The following ABHD17C variants were observed in gnomAD, a reference collection of about 807,000 sequenced individuals.
ABHD17C encodes alpha/beta hydrolase domain-containing protein 17C.
Under a neutral mutation model 27.9 loss-of-function variants are expected in ABHD17C, and 11 were observed. The observed-to-expected ratio is 0.39, with a 90% confidence interval of 0.25 to 0.65. The LOEUF (loss-of-function observed/expected upper bound fraction) is 0.65. Among genes scored for constraint, ABHD17C ranks in the 30% least tolerant of loss-of-function variants. ABHD17C has a pLI of 0.45. For missense variants in ABHD17C, 280 were observed against 470.2 expected, an observed-to-expected ratio of 0.60 and a Z score of 3.74; for synonymous variants, 233 against 209.1, an observed-to-expected ratio of 1.11 and a Z score of -0.98.
intron 1 of ABHD17C, among the ~76,000 whole-genome samples, chr15:80,748,882 G>C (rs1319557767): frequency 1.3e-5 from 2 of 151,778 alleles, no homozygotes; most frequent in Non-Finnish European, 2.9e-5. Context: ...GGCTGCAAGG[G>C]AGGCTGGGAA....
intron 1 of ABHD17C, among the ~76,000 whole-genome samples, chr15:80,743,522 A>G (rs965386303): frequency 6.6e-6 from 1 of 152,182 alleles, no homozygotes; most frequent in Admixed American, 6.5e-5. Flanking sequence ...ATACTCCCCA[A>G]AATAGCAAAT....
chr15:80,720,938 A>ATC (rs1219602254), intron 1 of ABHD17C, among the ~76,000 whole-genome samples: 6 of 149,936 alleles, frequency 4.0e-5, no homozygotes, highest in Non-Finnish European at 7.5e-5. Flanking sequence ...AAAAAAAAAT[A>ATC]TTAATTTATG....
intron 1 of ABHD17C, among the ~76,000 whole-genome samples, chr15:80,741,344 C>T (rs566846997): frequency 6.6e-6 from 1 of 152,092 alleles, no homozygotes; most frequent in South Asian, 2.1e-4. Context: ...TGCAGCAAAA[C>T]TAGCACAATT....
intron 1 of ABHD17C, among the ~76,000 whole-genome samples, chr15:80,713,616 T>C (rs1390668017): frequency 1.3e-5 from 2 of 151,866 alleles, no homozygotes; most frequent in Admixed American, 6.6e-5. Flanking sequence ...GAGACCAGCC[T>C]GGCCAACATA....
rs775586613 is a variant in ABHD17C, at chr15:80,696,038, C to T, written c.590+19C>T. 37 of 1,537,150 alleles carry T rather than the reference C, an allele frequency of 2.4e-5. No homozygotes were observed. The highest frequency in any genetic ancestry group is 2.9e-5 in the Non-Finnish European group (33 of 1,144,052). ...GCACCCGGTGAGCCTGCCGGGGTCG[C>T]CAGGCCTGACTTCCAGCTGTGGGGA... On this transcript the variant is annotated intron_variant, in intron 1 of 2. Coordinates refer to ENST00000258884, the MANE Select transcript of ABHD17C (RefSeq NM_021214.2).
At chr15:80,698,775 A>G (rs1015532287) in intron 1 of ABHD17C, among the ~76,000 whole-genome samples, 6 of 152,102 alleles carry the variant, frequency 3.9e-5, no homozygotes, top group African/African-American at 1.4e-4. Context: ...CTTCCATCCC[A>G]TGTGTCCATT....
chr15:80,719,722 G>GCTAT (rs146936987), intron 1 of ABHD17C, among the ~76,000 whole-genome samples: 4,306 of 152,216 alleles, frequency 0.028, 179 homozygotes, highest in East Asian at 0.11. Context: ...CTTAAAAACT[G>GCTAT]CTATATATCT....
At chr15:80,700,552 G>A (rs2759302) in intron 1 of ABHD17C, among the ~76,000 whole-genome samples, 50,684 of 151,992 alleles carry the variant, frequency 0.33, 10,376 homozygotes, top group Non-Finnish European at 0.48. Context: ...AGTACAAAAG[G>A]CAAATTACAA....
chr15:80,723,740 A>T (rs1205000771), intron 1 of ABHD17C, among the ~76,000 whole-genome samples: 1 of 152,216 alleles, frequency 6.6e-6, no homozygotes, highest in Admixed American at 6.5e-5. Context: ...GGCACACAGA[A>T]TCAGTGCAGG....
At chr15:80,750,191 T>C (rs1028168993) in intron 2 of ABHD17C, among the ~76,000 whole-genome samples, 1 of 152,166 alleles carries the variant, frequency 6.6e-6, no homozygotes, top group Admixed American at 6.5e-5. Context: ...TCAGTTAATC[T>C]TTGTAAATAG....
intron 1 of ABHD17C, among the ~76,000 whole-genome samples, chr15:80,701,062 G>A (rs890709293): frequency 7.2e-5 from 11 of 152,174 alleles, no homozygotes; most frequent in African/African-American, 1.9e-4. Flanking sequence ...TTTTGAATAC[G>A]TAACTATGAT....
intron 1 of ABHD17C, among the ~76,000 whole-genome samples, chr15:80,726,537 A>T (rs1596067275): frequency 1.1e-5 from 1 of 94,984 alleles, no homozygotes; most frequent in South Asian, 3.7e-4. Context: ...TTTGAGACGG[A>T]GCCTTGCTCT....
intron 1 of ABHD17C, among the ~76,000 whole-genome samples, chr15:80,748,529 C>G (rs1199234051): frequency 6.6e-6 from 1 of 152,102 alleles, no homozygotes; most frequent in Non-Finnish European, 1.5e-5. Flanking sequence ...GAAATTATCA[C>G]ATCTTTCTAT....
At chr15:80,747,470 A>G (rs1038743824) in intron 1 of ABHD17C, among the ~76,000 whole-genome samples, 1 of 152,196 alleles carries the variant, frequency 6.6e-6, no homozygotes, top group Non-Finnish European at 1.5e-5. Context: ...GCATTGAGAC[A>G]TGAGAACAGT....
At chr15:80,735,496 C>T (rs377511231) in intron 1 of ABHD17C, among the ~76,000 whole-genome samples, 145 of 152,262 alleles carry the variant, frequency 9.5e-4, no homozygotes, top group African/African-American at 3.4e-3. Flanking sequence ...CACCACCCAC[C>T]TCCACCTTGT....
At chr15:80,707,784 A>G (rs1052303531) in intron 1 of ABHD17C, among the ~76,000 whole-genome samples, 6 of 152,164 alleles carry the variant, frequency 3.9e-5, no homozygotes, top group Non-Finnish European at 7.3e-5. Flanking sequence ...TGAGGCTTCT[A>G]CAGCTCGGCG....
At chr15:80,703,461 G>A (rs552786666) in intron 1 of ABHD17C, 2 of 152,334 alleles carry the variant, frequency 1.3e-5, no homozygotes, top group Admixed American at 6.5e-5. Flanking sequence ...CTTCTGAGGT[G>A]TCTTCTGGTA....
In ABHD17C at chr15:80,725,158, G is replaced by C. The variant is rs116895775; in HGVS notation, c.591-24355G>C. On this transcript the variant is annotated intron_variant, in intron 1 of 2. Transcript: ENST00000258884. ...GGATGTGACTGCCTATTGGGTATCA[G>C]GGTCCAGTCTTACAGAGAATATAAC... Among the ~76,000 whole-genome samples, 85 of 152,308 alleles carry C rather than the reference G, an allele frequency of 5.6e-4. 1 individual carries two copies. The East Asian group carries it at 0.014, about 26-fold the overall frequency.
In ABHD17C at chr15:80,739,732, A is replaced by G. The variant is rs1224676043; in HGVS notation, c.591-9781A>G. 4.6e-5 allele frequency among the ~76,000 whole-genome samples: 7 copies of G among 152,314 alleles called. No homozygotes were observed. In the East Asian group the frequency reaches 1.3e-3, roughly 29 times the overall value. ...GTACAGCCTGCAGAACCATGAGCCA[A>G]ATAAACCTCTGTTCTTTATAAATTA... On this transcript the variant is annotated intron_variant, in intron 1 of 2. Transcript: ENST00000258884.
Sources: gnomAD v4.1 joint callset for allele counts (sites outside exome capture counted in the v4.1 genomes callset) on GRCh38, gnomAD v4.1.1 for gene constraint, MANE v1.5 for transcripts, NCBI Gene and HGNC (gene_info 2026-07-23, HGNC 2026-07-21) for gene names.